COL4A4: variants seen among roughly 807,000 people sequenced by gnomAD.
COL4A4 encodes collagen type IV alpha 4 chain.
A neutral mutation model predicts 192.9 loss-of-function variants in COL4A4; 105 were observed. The ratio of observed to expected loss-of-function variants is 0.54; its 90% confidence interval spans 0.46 to 0.64. COL4A4 has a LOEUF of 0.64. Among genes scored for constraint, COL4A4 ranks in the 30% least tolerant of loss-of-function variants. The pLI, the probability that COL4A4 is intolerant of heterozygous loss-of-function variation, is 0.00. For missense variants in COL4A4, 1,967 were observed against 2,169.3 expected, an observed-to-expected ratio of 0.91 and a Z score of 1.85; for synonymous variants, 762 against 769.9, an observed-to-expected ratio of 0.99 and a Z score of 0.17.
intron 4 of COL4A4, among the ~76,000 whole-genome samples, chr2:227,121,882 A>C (rs1485113345): frequency 6.6e-6 from 1 of 152,194 alleles, no homozygotes; most frequent in African/African-American, 2.4e-5. Context: ...TAAAAAATCA[A>C]AGTTTTATTT....
At chr2:227,100,271 G>A (rs1042238493) in intron 17 of COL4A4, among the ~76,000 whole-genome samples, 18 of 152,076 alleles carry the variant, frequency 1.2e-4, no homozygotes, top group Middle Eastern at 3.2e-3. Flanking sequence ...ATGAGCCTAT[G>A]AATTTTTTTA....
intron 4 of COL4A4, among the ~76,000 whole-genome samples, chr2:227,135,115 T>G (rs1031693854): frequency 6.6e-6 from 1 of 152,170 alleles, no homozygotes; most frequent in Non-Finnish European, 1.5e-5. Flanking sequence ...TGGGCCATAG[T>G]GAGGTTCATG....
At chr2:227,073,794 G>A (rs959251345) in intron 25 of COL4A4, among the ~76,000 whole-genome samples, 1 of 151,970 alleles carries the variant, frequency 6.6e-6, no homozygotes, top group African/African-American at 2.4e-5. Flanking sequence ...AAAAAATTGG[G>A]GGGTGGACAC....
chr2:227,060,326 T>C lies in COL4A4; in HGVS notation c.2057-83A>G, dbSNP rs1215901771. The C allele has an allele frequency of 7.4e-6, 7 of 944,256 alleles. No homozygotes were observed. The East Asian group carries it at 1.2e-4, about 16-fold the overall frequency. The allele number at this position is 944,256 out of a possible 1,614,324, so 58.5% of individuals were successfully genotyped here. A position where few individuals can be genotyped will look rare whatever the true frequency, so the allele number is the denominator to read the frequency against. On this transcript the variant is annotated intron_variant, in intron 26 of 47. Transcript: ENST00000396625. ...AATGAGATGATTTTCTTTAAGTCTA[T>C]GTTAAGTCCTTTTAGAATATTTCTA...
chr2:227,025,281 A>G (rs2149892155), intron 43 of COL4A4, among the ~76,000 whole-genome samples: 1 of 152,316 alleles, frequency 6.6e-6, no homozygotes, highest in Non-Finnish European at 1.5e-5. Flanking sequence ...ACAAAATAAC[A>G]CATTGTTTTT....
intron 2 of COL4A4, among the ~76,000 whole-genome samples, chr2:227,145,313 G>A (rs907559793): frequency 6.6e-6 from 1 of 152,056 alleles, no homozygotes; most frequent in South Asian, 2.1e-4. Context: ...TGGGCATGGT[G>A]GTGCATGCCT....
chr2:227,094,183 C>A lies in COL4A4; in HGVS notation c.1311G>T (p.Lys437Asn). ...CTCCAGGCAAGCCAGGTGATCCTGG[C>A]TTCCCTGGTTTTCCTGGAGCAGAAT... The part of the protein sequence containing the change: ...RPDSAPGKPG[K>N]PGSPGLPGAP... Residue 437 changes from lysine (K) to asparagine (N), a missense_variant, in exon 20 of 48, where the codon AAG becomes AAT. Coordinates refer to ENST00000396625, the MANE Select transcript of COL4A4 (RefSeq NM_000092.5). The A allele has an allele frequency of 6.2e-7, 1 of 1,613,792 alleles. No homozygotes were observed. The highest frequency in any genetic ancestry group is 8.5e-7 in the Non-Finnish European group (1 of 1,179,846).
Position 227,033,415 on chromosome 2 carries a change from G to A in COL4A4, c.3572C>T (p.Ala1191Val), listed in dbSNP as rs1193908235. The change falls in exon 38 of 48, where the codon GCT becomes GTT. Residue 1191 changes from alanine (A) to valine (V), a missense_variant. Ala to Val is a moderately conservative substitution (Grantham distance 64). Coordinates refer to ENST00000396625, the MANE Select transcript of COL4A4 (RefSeq NM_000092.5). ...GLKGQKGTKG[A>V]SGLHDVGPPG... The stretch of plus-strand genomic sequence containing the variant: ...CGAATCGATTAGGTGCTTACCTGAA[G>A]CACCTTTAGTTCCTTTCTGACCTTT... 5.0e-6 allele frequency: 8 copies of A among 1,612,880 alleles called. No homozygotes were observed. Among genetic ancestry groups the A allele is most frequent in the Non-Finnish European group, 6.8e-6 (8 of 1,179,474 alleles).
chr2:227,050,200 C>T, intron 33 of COL4A4, 69 bp from the exon 34 acceptor site: 1 of 1,405,562 alleles, frequency 7.1e-7, no homozygotes, highest in Non-Finnish European at 1.0e-6. Flanking sequence ...ACAACACGAT[C>T]CAGTTGTAAT....
chr2:227,023,127 G>A (rs78889940), intron 43 of COL4A4, among the ~76,000 whole-genome samples: 81 of 152,140 alleles, frequency 5.3e-4, no homozygotes, highest in Non-Finnish European at 9.1e-4. Context: ...GGCTGATGGC[G>A]TTGATCTGGG....
chr2:227,059,558 G>T lies in COL4A4; in HGVS notation c.2230C>A (p.Pro744Thr), dbSNP rs764547396. 6.2e-7 allele frequency: 1 copy of T among 1,613,928 alleles called. No homozygotes were observed. Among genetic ancestry groups the T allele is most frequent in the African/African-American group, 1.3e-5 (1 of 74,904 alleles). Residue 744 changes from proline to threonine, a missense_variant, in exon 28 of 48, where the codon CCA becomes ACA. Coordinates refer to ENST00000396625, the MANE Select transcript of COL4A4 (RefSeq NM_000092.5). ...ACTCCTGGTGAGCCGGGAGGGCCTG[G>T]GGGCCCAACAGGGGAGGACCCCTTT... ...GEKGSSPVGP[P>T]GPPGSPGVNG...
chr2:227,000,162 ACT>A (rs556756900), downstream of COL4A4, among the ~76,000 whole-genome samples: 712 of 152,198 alleles, frequency 4.7e-3, 13 homozygotes, highest in East Asian at 8.5e-3. Flanking sequence ...AGGTCTTCAG[ACT>A]CTCGTTATAG....
At chr2:227,144,194 C>T (rs1184427235) in intron 3 of COL4A4, among the ~76,000 whole-genome samples, 2 of 152,104 alleles carry the variant, frequency 1.3e-5, no homozygotes, top group Admixed American at 1.3e-4. Flanking sequence ...TTCTTCTGAG[C>T]TAAAATGTTC....
intron 42 of COL4A4, among the ~76,000 whole-genome samples, chr2:227,027,528 A>G (rs1967188325): frequency 6.6e-6 from 1 of 151,340 alleles, no homozygotes; most frequent in South Asian, 2.1e-4. Context: ...AGATATACCT[A>G]ATGTAAATGA....
rs1215873238 is a variant in COL4A4, at chr2:227,077,877, A to T, written c.1987+17T>A. The T allele has an allele frequency of 6.2e-7, 1 of 1,606,510 alleles. No individual in the cohort carries two copies. Among genetic ancestry groups the T allele is most frequent in the South Asian group, 1.1e-5 (1 of 90,466 alleles). Reference sequence around the variant, plus strand: ...ACCCCAAAGCTATTGAAATAAATAAAATTTTTTTAAAATTACCTTTCTGAC... The same window carrying T: ...ACCCCAAAGCTATTGAAATAAATAATATTTTTTTAAAATTACCTTTCTGAC... On this transcript the variant is annotated intron_variant, in intron 25 of 47. Transcript: ENST00000396625.
chr2:227,103,149 G>C lies in COL4A4; in HGVS notation c.865C>G (p.Arg289Gly). The C allele has an allele frequency of 6.2e-7, 1 of 1,609,018 alleles. No individual in the cohort carries two copies. Among genetic ancestry groups the C allele is most frequent in the Non-Finnish European group, 8.5e-7 (1 of 1,177,940 alleles). The change falls in exon 14 of 48, where the codon CGC (arginine) becomes GGC (glycine). Residue 289 changes from arginine (R) to glycine (G), a missense_variant. By Grantham distance (125) the Arg-to-Gly change is moderately radical. Transcript: ENST00000396625. The stretch of plus-strand genomic sequence containing the variant: ...AAGGTACTTAAATAAACTACCTTGC[G>C]TCCTGGTGGTCCTGGCAGTCCAACC... ...GMVGLPGPPG[R>G]KGESGIGAKG... is the part of the protein sequence containing the mutation.
At chr2:226,982,234 G>T in the COL4A4 span, among the ~76,000 whole-genome samples, 1 of 152,192 alleles carries the variant, frequency 6.6e-6, no homozygotes, top group Non-Finnish European at 1.5e-5. Flanking sequence ...CTAATTGCAG[G>T]TTTTTCTCAG....
At chr2:226,994,748 A>G in the COL4A4 span, among the ~76,000 whole-genome samples, 1 of 152,276 alleles carries the variant, frequency 6.6e-6, no homozygotes, top group African/African-American at 2.4e-5. Context: ...GCCTGGGAGA[A>G]TGCTTTCTTA....
chr2:226,978,694 T>A, the COL4A4 span, among the ~76,000 whole-genome samples: 1 of 152,182 alleles, frequency 6.6e-6, no homozygotes, highest in Admixed American at 6.5e-5. Context: ...ATGATTAGAT[T>A]CACGAGTAAT....
Sources: gnomAD v4.1 joint callset for allele counts (sites outside exome capture counted in the v4.1 genomes callset) on GRCh38, gnomAD v4.1.1 for gene constraint, MANE v1.5 for transcripts, NCBI Gene and HGNC (gene_info 2026-07-23, HGNC 2026-07-21) for gene names.